CHRNB4: variants seen among roughly 807,000 people sequenced by gnomAD.
The protein encoded by CHRNB4 is cholinergic receptor nicotinic beta 4 subunit.
CHRNB4 carries 23 observed loss-of-function variants against 40.4 expected under a neutral mutation model. The ratio of observed to expected loss-of-function variants is 0.57; its 90% CI spans 0.41 to 0.81. The LOEUF (loss-of-function observed/expected upper bound fraction) is 0.81. CHRNB4 is among the 30% of genes least tolerant of loss of function. The pLI is 0.00. For synonymous variants in CHRNB4, 285 were observed against 274.4 expected (o/e 1.04, Z -0.38); for missense variants, 568 against 670.6 (o/e 0.85, Z 1.69).
intron 1 of CHRNB4, among the ~76,000 whole-genome samples, chr15:78,638,268 G>A (rs751251343): frequency 7.2e-5 from 11 of 152,226 alleles, no homozygotes; most frequent in Admixed American, 2.0e-4. Flanking sequence ...GGCCTGTCCT[G>A]CCTCTCAGGC....
chr15:78,658,376 C>T (rs887076914), intron 1 of CHRNB4: 3 of 152,048 alleles, frequency 2.0e-5, no homozygotes, highest in Non-Finnish European at 2.9e-5. Context: ...AGTCCTAGAA[C>T]GCAGAGATAA....
At chr15:78,634,601 G>C in intron 2 of CHRNB4, 1 of 418,070 alleles carries the variant, frequency 2.4e-6, no homozygotes, top group Admixed American at 2.6e-5. Flanking sequence ...GAGAGAGTCT[G>C]GCATTTCAGA....
chr15:78,648,786 ATTG>A (rs2054148454), intron 7 of CHRNB4, among the ~76,000 whole-genome samples: 1 of 146,062 alleles, frequency 6.8e-6, no homozygotes, highest in African/African-American at 2.5e-5. Flanking sequence ...TAGATATCTT[ATTG>A]TTATTTTGAG....
chr15:78,643,400 A>ACAC (rs913621382), upstream of CHRNB4, among the ~76,000 whole-genome samples: 1 of 152,100 alleles, frequency 6.6e-6, no homozygotes, highest in African/African-American at 2.4e-5. Flanking sequence ...CAGGCATGCA[A>ACAC]CACCATGCCT....
At chr15:78,634,758 G>C (rs1209824620) in intron 2 of CHRNB4, 2 of 455,884 alleles carry the variant, frequency 4.4e-6, no homozygotes, top group African/African-American at 4.0e-5. Context: ...GGGGACATGG[G>C]AAGGTTTACA....
chr15:78,638,885 T>C (rs1383272188), intron 1 of CHRNB4, among the ~76,000 whole-genome samples: 1 of 152,190 alleles, frequency 6.6e-6, no homozygotes, highest in Non-Finnish European at 1.5e-5. Flanking sequence ...TCCCAGCCCA[T>C]GGGCTGACAG....
intron 5 of CHRNB4, among the ~76,000 whole-genome samples, chr15:78,653,936 C>T (rs565477648): frequency 1.3e-5 from 2 of 152,316 alleles, no homozygotes; most frequent in South Asian, 4.2e-4. Context: ...CCATCTCCAG[C>T]ACCATGGAAG....
At chr15:78,650,297 C>A (rs79745728) in intron 6 of CHRNB4, among the ~76,000 whole-genome samples, 2,416 of 152,298 alleles carry the variant, frequency 0.016, 62 homozygotes, top group African/African-American at 0.055. Context: ...ATGGAGTTAG[C>A]AGCCTGGGAC....
chr15:78,657,569 T>G (rs2054224859), intron 2 of CHRNB4, among the ~76,000 whole-genome samples: 1 of 152,078 alleles, frequency 6.6e-6, no homozygotes, highest in South Asian at 2.1e-4. Flanking sequence ...TTTATTTATT[T>G]ATGAGACGGA....
intron 1 of CHRNB4, among the ~76,000 whole-genome samples, chr15:78,659,422 T>C (rs2054236370): frequency 6.6e-6 from 1 of 151,998 alleles, no homozygotes; most frequent in South Asian, 2.1e-4. Context: ...AGAAAGACCG[T>C]GTCTCAAAAA....
intron 5 of CHRNB4, among the ~76,000 whole-genome samples, chr15:78,652,871 C>T (rs1030291388): frequency 5.3e-5 from 8 of 152,062 alleles, no homozygotes; most frequent in South Asian, 2.1e-4. Context: ...GAAATGATGG[C>T]GGCACTAGGG....
At chr15:78,641,482 G>C (rs1329606996), upstream of CHRNB4, among the ~76,000 whole-genome samples, 1 of 152,256 alleles carries the variant, frequency 6.6e-6, no homozygotes, top group Non-Finnish European at 1.5e-5. Context: ...CGCTAGCGCA[G>C]GATCCCTCTA....
At chr15:78,645,166 G>A (rs2054112945), upstream of CHRNB4, among the ~76,000 whole-genome samples, 1 of 152,160 alleles carries the variant, frequency 6.6e-6, no homozygotes, top group Non-Finnish European at 1.5e-5. Context: ...AGTCATCCCA[G>A]GGCCATGAAC....
upstream of CHRNB4, chr15:78,661,410 G>A (rs116337852): frequency 1.8e-3 from 949 of 521,878 alleles, 8 homozygotes; most frequent in African/African-American, 0.016. Context: ...TTCATCTTCC[G>A]GATCATCTGA....
At chr15:78,625,397 G>C in intron 5 of CHRNB4, 106 bp from the exon 6 acceptor site, 1 of 1,091,170 alleles carries the variant, frequency 9.2e-7, no homozygotes, top group Non-Finnish European at 1.3e-6. Flanking sequence ...GGCCACAGGC[G>C]TGGAACTGCA....
chr15:78,652,286 T>TTCGCTGGCTGCTTTATAGA (rs1404269525), intron 6 of CHRNB4, among the ~76,000 whole-genome samples: 4 of 152,234 alleles, frequency 2.6e-5, no homozygotes, highest in Non-Finnish European at 5.9e-5. Context: ...AACCTCAACC[T>TTCGCTGGCTGCTTTATAGA]TCGCTGGCTG....
At position 78,629,696 on chromosome 15, in the gene CHRNB4, T is replaced by C. The variant is rs951848242; in HGVS notation, c.609A>G (p.Ile203Met). 9.3e-6 allele frequency: 15 copies of C among 1,614,030 alleles called. No individual in the cohort carries two copies. The highest frequency in any genetic ancestry group is 1.3e-5 in the Non-Finnish European group (15 of 1,180,042). ...DDFTPSGEWD[I>M]VALPGRRTVN... The stretch of plus-strand genomic sequence containing the variant: ...CTGTCCTTCTCCCTGGGAGGGCCAC[T>C]ATGTCCCACTCACCACTGGGAGTAA... Residue 203 changes from isoleucine (I) to methionine (M), a missense_variant, in exon 5 of 6, where the codon ATA (isoleucine) becomes ATG (methionine). Coordinates refer to ENST00000261751, the MANE Select transcript of CHRNB4 (RefSeq NM_000750.5). The surrounding 1 kb of genome is among the most constrained non-coding windows in gnomAD (Gnocchi z 6.8).
exon 4 of CHRNB4, chr15:78,656,320 GAGTA>G (rs2054212801): frequency 1.5e-5 from 2 of 133,178 alleles, no homozygotes; most frequent in South Asian, 5.2e-4. Context: ...CTGGGCAAGA[GAGTA>G]AGTCTCTGTC....
In CHRNB4 at chr15:78,629,186, G is replaced by A. The variant is rs765857727; in HGVS notation, c.1119C>T (p.Thr373=). 8.7e-6 allele frequency: 14 copies of A among 1,613,872 alleles called. No homozygotes were observed. Among genetic ancestry groups the A allele is most frequent in the Middle Eastern group, 1.6e-4 (1 of 6,084 alleles). Residue 373 remains threonine (T), a synonymous_variant, in exon 5 of 6, where the codon ACC becomes ACT. Coordinates refer to ENST00000261751, the MANE Select transcript of CHRNB4 (RefSeq NM_000750.5). The surrounding 1 kb of genome is among the most constrained non-coding windows in gnomAD (Gnocchi z 6.8). ...AGTTGGAGGGGCTGGTGGAGGTGGC[G>A]GTGGCCTCGGGCTTGGTCACGCATG... ...SKSCVTKPEA[T]ATSTSPSNFY... is the part of the protein sequence containing the mutation.
Sources: allele counts gnomAD v4.1 joint callset (sites outside exome capture counted in the v4.1 genomes callset), GRCh38; gene constraint gnomAD v4.1.1; non-coding constraint Gnocchi (gnomAD v3.1); transcripts MANE v1.5; gene names NCBI Gene and HGNC (gene_info 2026-07-23, HGNC 2026-07-21).